Variants in ACOT1 observed in about 807,000 individuals in gnomAD.
ACOT1 encodes the protein acyl-coenzyme A thioesterase 1.
In ACOT1, 8 loss-of-function variants were observed where a neutral mutation model predicts 15.7. That is an observed-to-expected ratio of 0.51 (90% CI 0.30 to 0.92). The LOEUF (loss-of-function observed/expected upper bound fraction) is 0.92, where lower values mean the gene tolerates loss of function less well. ACOT1 is among the 40% of genes least tolerant of loss of function. The pLI, the probability that ACOT1 is intolerant of heterozygous loss-of-function variation, is 0.06. For synonymous variants in ACOT1, 67 were observed against 241.2 expected (o/e 0.28, Z 6.69); for missense variants, 151 against 539.4 (o/e 0.28, Z 7.13).
At chr14:73,516,548 A>T in the ACOT1 span, among the ~76,000 whole-genome samples, 2 of 151,014 alleles carry the variant, frequency 1.3e-5, no homozygotes, top group Non-Finnish European at 2.9e-5. Flanking sequence ...GCCAACTTTT[A>T]CTTTGGTTCC....
At chr14:73,521,987 T>A in the ACOT1 span, among the ~76,000 whole-genome samples, 1 of 152,206 alleles carries the variant, frequency 6.6e-6, no homozygotes, top group African/African-American at 2.4e-5. Context: ...CATCTTTGGT[T>A]TTCACAGCTA....
the ACOT1 span, chr14:73,491,507 CCTGCGACGGCGT>C: frequency 1.4e-3 from 2,089 of 1,515,122 alleles, 28 homozygotes; most frequent in African/African-American, 0.026. Context: ...GTCCGGGGCC[CCTGCGACGGCGT>C]CGGGGCCGCA....
the ACOT1 span, among the ~76,000 whole-genome samples, chr14:73,524,310 A>ATGT: frequency 3.7e-5 from 2 of 54,788 alleles, no homozygotes; most frequent in African/African-American, 8.8e-5. Flanking sequence ...AAAAAAAAAA[A>ATGT]ATATATATAT....
chr14:73,530,490 C>G, the ACOT1 span: 6 of 128,250 alleles, frequency 4.7e-5, 1 homozygote, highest in African/African-American at 1.6e-4. Flanking sequence ...TTCAAGTCCC[C>G]CTTTCTCCCT....
chr14:73,522,782 G>A, the ACOT1 span: 2 of 1,614,196 alleles, frequency 1.2e-6, no homozygotes, highest in East Asian at 2.2e-5. Flanking sequence ...GGGACTTGAG[G>A]AACCCAGGAA....
the ACOT1 span, chr14:73,502,781 T>C: frequency 4.0e-6 from 3 of 752,548 alleles, no homozygotes; most frequent in Non-Finnish European, 7.1e-6. Flanking sequence ...TCTCCTGACC[T>C]CGTGATCCGC....
chr14:73,508,915 G>A, the ACOT1 span, among the ~76,000 whole-genome samples: 1 of 151,834 alleles, frequency 6.6e-6, no homozygotes, highest in African/African-American at 2.4e-5. Context: ...GCACCATTGT[G>A]GCTTATTGCA....
the ACOT1 span, among the ~76,000 whole-genome samples, chr14:73,507,641 G>A: frequency 9.2e-5 from 14 of 151,802 alleles, no homozygotes; most frequent in Non-Finnish European, 1.6e-4. Flanking sequence ...TCACTATATT[G>A]CCCAGGCTGG....
At chr14:73,508,224 A>T in the ACOT1 span, 1 of 1,613,954 alleles carries the variant, frequency 6.2e-7, no homozygotes, top group Admixed American at 1.7e-5. Context: ...GGATCCTCTT[A>T]ATCACAGGGT....
At chr14:73,505,015 G>A in the ACOT1 span, among the ~76,000 whole-genome samples, 18 of 150,616 alleles carry the variant, frequency 1.2e-4, no homozygotes, top group South Asian at 3.0e-3. Flanking sequence ...CACTGAAACC[G>A]CCGCCTCCCA....
chr14:73,518,624 T>G, the ACOT1 span, among the ~76,000 whole-genome samples: 1 of 152,044 alleles, frequency 6.6e-6, no homozygotes, highest in Admixed American at 6.6e-5. Context: ...CAGGTATGGG[T>G]GGGCTGAGTG....
At chr14:73,503,685 G>T in the ACOT1 span, among the ~76,000 whole-genome samples, 2 of 152,162 alleles carry the variant, frequency 1.3e-5, no homozygotes, top group African/African-American at 4.8e-5. Context: ...AGTCTTCTTT[G>T]CCCCTTGTAA....
At chr14:73,498,238 G>T in the ACOT1 span, 1 of 1,614,134 alleles carries the variant, frequency 6.2e-7, no homozygotes, top group South Asian at 1.1e-5. Flanking sequence ...TCAGGGCTAG[G>T]ATGCTACGGC....
rs1888941524 is a variant in ACOT1 at position 73,538,148 on chromosome 14, T to TTTTTTA, written c.457+282_457+287dup. Among the ~76,000 whole-genome samples the TTTTTTA allele has an allele frequency of 3.5e-5, 4 of 114,116 alleles. 2 individuals carry two copies. In the South Asian group the frequency reaches 1.1e-3, roughly 32 times the overall value. The allele number at this position is 114,116 out of a possible 152,430, so 74.9% of individuals were successfully genotyped here. ...GCCCTTTGAGGGGAGTTACACTTAT[T>TTTTTTA]TTTTTATTTTTATTTTTTTTCGTCC... is the stretch of plus-strand genomic sequence containing the variant. On this transcript the variant is annotated intron_variant, in intron 1 of 2. Coordinates refer to ENST00000311148, the MANE Select transcript of ACOT1 (RefSeq NM_001037161.2).
chr14:73,514,478 T>A, the ACOT1 span, among the ~76,000 whole-genome samples: 68 of 152,254 alleles, frequency 4.5e-4, no homozygotes, highest in African/African-American at 1.6e-3. Context: ...GGGGGGAAAT[T>A]GAGATATCTA....
the ACOT1 span, among the ~76,000 whole-genome samples, chr14:73,502,465 C>T: frequency 1.0e-3 from 158 of 152,184 alleles, no homozygotes; most frequent in African/African-American, 3.5e-3. Flanking sequence ...TTTGTAGGGA[C>T]TGTTAATTTT....
rs376948382 is a variant in ACOT1 at position 73,543,051 on chromosome 14, T to C, written c.662T>C (p.Val221Ala). The C allele has an allele frequency of 1.4e-6, 2 of 1,440,744 alleles. No homozygotes were observed. The highest frequency in any genetic ancestry group is 3.0e-5 in the African/African-American group (2 of 65,736). 89.2% of individuals were successfully genotyped at this position (1,440,744 alleles called of 1,614,324 possible). ...AVNYLLSHPE[V>A]KGPGVGLLGI... Reference sequence around the variant, plus strand: ...CTTTTTCCTTTGTCCCTTTCTCAGGTAAAAGGTCCAGGAGTTGGGCTGCTT... The same window carrying C: ...CTTTTTCCTTTGTCCCTTTCTCAGGCAAAAGGTCCAGGAGTTGGGCTGCTT... The change falls in exon 3 of 3, where the codon GTA becomes GCA. Residue 221 changes from valine to alanine, a missense_variant and splice_region_variant. Coordinates refer to ENST00000311148, the MANE Select transcript of ACOT1 (RefSeq NM_001037161.2).
chr14:73,499,248 A>G, the ACOT1 span: 2 of 900,242 alleles, frequency 2.2e-6, no homozygotes, highest in Non-Finnish European at 1.9e-6. Flanking sequence ...TGGGATGCCA[A>G]GGTGGGCGGA....
chr14:73,514,893 C>G, the ACOT1 span, among the ~76,000 whole-genome samples: 5 of 151,790 alleles, frequency 3.3e-5, no homozygotes, highest in Non-Finnish European at 7.4e-5. Flanking sequence ...ACGGTGAAAA[C>G]CCCGTCTCTA....
Sources: allele counts gnomAD v4.1 joint callset (sites outside exome capture counted in the v4.1 genomes callset), GRCh38; gene constraint gnomAD v4.1.1; transcripts MANE v1.5; gene names NCBI Gene and HGNC (gene_info 2026-07-23, HGNC 2026-07-21).